The following B4GALNT2 variants were observed in gnomAD, a reference collection of about 807,000 sequenced individuals.
B4GALNT2 encodes beta-1,4-N-acetyl-galactosaminyltransferase 2 (SID blood group).
A neutral mutation model predicts 51.1 loss-of-function variants in B4GALNT2; 42 were observed. That is an observed-to-expected ratio of 0.82 (90% CI 0.64 to 1.06). The LOEUF is 1.06. Ranked by LOEUF, B4GALNT2 falls within the 50% of genes least tolerant of loss-of-function variation. The pLI, the probability that B4GALNT2 is intolerant of heterozygous loss-of-function variation, is 0.00. For synonymous variants in B4GALNT2, 253 were observed against 251.7 expected, an observed-to-expected ratio of 1.01 and a Z score of -0.05; for missense variants, 602 against 633.6, an observed-to-expected ratio of 0.95 and a Z score of 0.54.
chr17:49,142,912 G>T lies in B4GALNT2; in HGVS notation c.353+740G>T, dbSNP rs116285322. ...TATCCCTTTGTTTTAAATTACAAGG[G>T]GTGTCAACACTCAGGTGTATCAACC... On this transcript the variant is annotated intron_variant, in intron 3 of 10. Coordinates refer to ENST00000393354, the MANE Select transcript of B4GALNT2 (RefSeq NM_001159387.2). Among the ~76,000 whole-genome samples, 675 of 152,150 alleles carry T rather than the reference G, an allele frequency of 4.4e-3. 8 individuals are homozygous for T. Among genetic ancestry groups the T allele is most frequent in the African/African-American group, 0.016 (649 of 41,492 alleles).
chr17:49,149,698 G>A (rs1388914665), intron 3 of B4GALNT2, among the ~76,000 whole-genome samples: 3 of 152,170 alleles, frequency 2.0e-5, no homozygotes, highest in Non-Finnish European at 4.4e-5. Flanking sequence ...AAACAATGCT[G>A]AAATGAACAT....
intron 9 of B4GALNT2, among the ~76,000 whole-genome samples, chr17:49,166,614 T>C (rs985865600): frequency 6.6e-6 from 1 of 152,076 alleles, no homozygotes; most frequent in African/African-American, 2.4e-5. Flanking sequence ...GTATAAATGG[T>C]ACAAAGCTTT....
At chr17:49,145,792 A>AT (rs2042689560) in intron 3 of B4GALNT2, among the ~76,000 whole-genome samples, 1 of 152,080 alleles carries the variant, frequency 6.6e-6, no homozygotes, top group African/African-American at 2.4e-5. Context: ...TAGTAGACTG[A>AT]TTTTATCTTG....
At chr17:49,152,966 G>C in intron 4 of B4GALNT2, 60 bp downstream of exon 4, 1 of 1,455,594 alleles carries the variant, frequency 6.9e-7, no homozygotes, top group South Asian at 1.2e-5. Context: ...TAAGGCAAAA[G>C]GAGGGAGAGG....
At chr17:49,134,793 G>A (rs2042575531) in intron 1 of B4GALNT2, among the ~76,000 whole-genome samples, 2 of 152,038 alleles carry the variant, frequency 1.3e-5, no homozygotes, top group African/African-American at 4.8e-5. Flanking sequence ...GTCTCATCAT[G>A]TTGGCCAAGC....
Position 49,171,318 on chromosome 17 carries a change from A to G in B4GALNT2, c.*1590A>G, listed in dbSNP as rs536786048. 6 of 380,278 alleles carry G rather than the reference A, an allele frequency of 1.6e-5. No homozygotes were observed. Among genetic ancestry groups the G allele is most frequent in the Non-Finnish European group, 3.0e-5 (6 of 202,282 alleles). The allele number at this position is 380,278 out of a possible 1,614,324, so 23.6% of individuals were successfully genotyped here. On this transcript the variant is annotated 3_prime_UTR_variant, in exon 11 of 11. Transcript: ENST00000393354. ...AATCACAGAGCTTCCAAGTGTCTTT[A>G]TCCACTTTAATGGGTTAATATCTGC...
the B4GALNT2 span, among the ~76,000 whole-genome samples, chr17:49,124,943 T>A: frequency 9.2e-5 from 14 of 152,186 alleles, no homozygotes; most frequent in Non-Finnish European, 1.8e-4. Context: ...CAATTAACCT[T>A]CCAAAAATTG....
At chr17:49,143,267 A>AAAAC (rs1193306004) in intron 3 of B4GALNT2, among the ~76,000 whole-genome samples, 1 of 149,370 alleles carries the variant, frequency 6.7e-6, no homozygotes, top group African/African-American at 2.5e-5. Flanking sequence ...GAAAAGAGAA[A>AAAAC]AAACAAACAA....
At chr17:49,163,342 T>G (rs1176918210) in intron 7 of B4GALNT2, among the ~76,000 whole-genome samples, 1 of 151,942 alleles carries the variant, frequency 6.6e-6, no homozygotes, top group Non-Finnish European at 1.5e-5. Context: ...TCTCTAGGAG[T>G]TGCAGATGAT....
At chr17:49,160,135 A>G (rs907434940) in intron 6 of B4GALNT2, among the ~76,000 whole-genome samples, 6 of 152,208 alleles carry the variant, frequency 3.9e-5, no homozygotes, top group African/African-American at 1.4e-4. Context: ...ATTCATGACC[A>G]CTAGCTAAAG....
chr17:49,144,857 TG>T (rs1301838136), intron 3 of B4GALNT2, among the ~76,000 whole-genome samples: 1 of 152,094 alleles, frequency 6.6e-6, no homozygotes, highest in Non-Finnish European at 1.5e-5. Context: ...GTCTGCAAGC[TG>T]AGGAGCAAAG....
the B4GALNT2 span, among the ~76,000 whole-genome samples, chr17:49,122,925 G>A: frequency 6.6e-6 from 1 of 152,126 alleles, no homozygotes; most frequent in Non-Finnish European, 1.5e-5. Context: ...TCCATTAAAA[G>A]GTTTTAATAT....
chr17:49,142,425 C>A (rs2042653797), intron 3 of B4GALNT2, among the ~76,000 whole-genome samples: 1 of 152,172 alleles, frequency 6.6e-6, no homozygotes, highest in Non-Finnish European at 1.5e-5. Context: ...ATTGGTGACA[C>A]ATGTCTGTCA....
Position 49,169,512 on chromosome 17 carries a change from T to A in B4GALNT2, c.1316-11T>A. ...AGCTCCCACTTCCTTCTGCTCTCCCTCTCTTTGCAGAATTCTTCATTGATG... is the reference window on the plus strand; with the variant it reads ...AGCTCCCACTTCCTTCTGCTCTCCCACTCTTTGCAGAATTCTTCATTGATG... On this transcript the variant is annotated splice_polypyrimidine_tract_variant and intron_variant, in intron 10 of 10. Transcript: ENST00000393354. 8 of 1,608,738 alleles carry A rather than the reference T, an allele frequency of 5.0e-6. No individual in the cohort carries two copies. Among genetic ancestry groups the A allele is most frequent in the Non-Finnish European group, 6.8e-6 (8 of 1,179,200 alleles).
At chr17:49,145,921 G>A (rs942955993) in intron 3 of B4GALNT2, among the ~76,000 whole-genome samples, 2 of 152,156 alleles carry the variant, frequency 1.3e-5, no homozygotes, top group African/African-American at 4.8e-5. Context: ...TAATGGAATT[G>A]TTGTTGTGTA....
At chr17:49,153,558 G>A (rs1273852591) in intron 4 of B4GALNT2, among the ~76,000 whole-genome samples, 1 of 151,362 alleles carries the variant, frequency 6.6e-6, no homozygotes, top group East Asian at 1.9e-4. Context: ...TCAGGCTAGA[G>A]TGCAGTAGCA....
intron 3 of B4GALNT2, among the ~76,000 whole-genome samples, chr17:49,150,591 T>G (rs914190703): frequency 2.0e-5 from 3 of 151,902 alleles, no homozygotes; most frequent in African/African-American, 4.8e-5. Flanking sequence ...AAAATTCTTC[T>G]GCCTTGGGAT....
chr17:49,124,171 G>A, the B4GALNT2 span, among the ~76,000 whole-genome samples: 1 of 152,280 alleles, frequency 6.6e-6, no homozygotes. Context: ...TCAGCAAAAC[G>A]TCAAAAAGAT....
At chr17:49,148,631 C>A in intron 3 of B4GALNT2, 1 of 544,992 alleles carries the variant, frequency 1.8e-6, no homozygotes, top group Admixed American at 2.3e-5. Flanking sequence ...CAAACCGTTC[C>A]TGCACAAAGC....
Sources: gnomAD v4.1 joint callset for allele counts (sites outside exome capture counted in the v4.1 genomes callset) on GRCh38, gnomAD v4.1.1 for gene constraint, MANE v1.5 for transcripts, NCBI Gene and HGNC (gene_info 2026-07-23, HGNC 2026-07-21) for gene names.